GNB1L: variants seen among roughly 807,000 people sequenced by gnomAD.
GNB1L encodes the protein G protein subunit beta 1 like, also known as guanine nucleotide-binding protein subunit beta-like protein 1.
In GNB1L, 20 loss-of-function variants were observed where a neutral mutation model predicts 29.1. The ratio of observed to expected loss-of-function variants is 0.69; its 90% CI spans 0.48 to 1.00. GNB1L has a LOEUF of 1.00. GNB1L is among the 50% of genes least tolerant of loss of function. The probability of loss-of-function intolerance (pLI) is 0.00; values close to 1 mark genes in which losing one functional copy is unlikely to be tolerated. For synonymous variants in GNB1L, 193 were observed against 206.5 expected (o/e 0.93, Z 0.56); for missense variants, 421 against 464.9 (o/e 0.91, Z 0.87).
chr22:19,788,686 CT>C lies in GNB1L; in HGVS notation c.*22del. ...CCACCTCCCTGCCCGCCCTCCTCGT[CT>C]CCCGGGAAGGGAGTGGGTGAGTCAT... On this transcript the variant is annotated 3_prime_UTR_variant, in exon 8 of 8. Transcript: ENST00000329517. The C allele has an allele frequency of 1.2e-6, 2 of 1,612,112 alleles. No individual in the cohort carries two copies. The highest frequency in any genetic ancestry group is 1.3e-5 in the African/African-American group (1 of 75,068).
intron 4 of GNB1L, among the ~76,000 whole-genome samples, chr22:19,817,713 G>A (rs1469172138): frequency 6.6e-6 from 1 of 152,162 alleles, no homozygotes; most frequent in Non-Finnish European, 1.5e-5. Context: ...CCTGGGGCAT[G>A]AGGGGCTATC....
At position 19,816,075 on chromosome 22, in the gene GNB1L, C is replaced by G. The variant is rs554298999; in HGVS notation, c.255-3628G>C. ...TGAGCCCCGACAGCCCACAGCCATCCTGGGGCGTCGTGGCCTGTGTGGGGC... is the reference window on the plus strand; with the variant it reads ...TGAGCCCCGACAGCCCACAGCCATCGTGGGGCGTCGTGGCCTGTGTGGGGC... On this transcript the variant is annotated intron_variant, in intron 4 of 7. Coordinates refer to ENST00000329517, the MANE Select transcript of GNB1L (RefSeq NM_053004.3). The surrounding 1 kb of genome is among the most constrained non-coding windows in gnomAD (Gnocchi z 4.4). 1.4e-4 allele frequency among the ~76,000 whole-genome samples: 21 copies of G among 152,332 alleles called. No homozygotes were observed. In the East Asian group the frequency reaches 3.9e-3, roughly 28 times the overall value.
chr22:19,811,272 C>T (rs1937497011), intron 5 of GNB1L, among the ~76,000 whole-genome samples: 2 of 152,184 alleles, frequency 1.3e-5, no homozygotes. Context: ...CCCAACTGTG[C>T]GTGGGGGCCG....
intron 7 of GNB1L, among the ~76,000 whole-genome samples, chr22:19,789,956 A>G (rs1281619852): frequency 6.6e-6 from 1 of 152,222 alleles, no homozygotes; most frequent in East Asian, 1.9e-4. Context: ...CCGTCCTCAG[A>G]ATGCTCCACA....
intron 2 of GNB1L, among the ~76,000 whole-genome samples, chr22:19,825,372 C>A (rs978251696): frequency 6.6e-6 from 1 of 152,224 alleles, no homozygotes; most frequent in African/African-American, 2.4e-5. Flanking sequence ...ATAATCTCAG[C>A]ACTTTGGGAG....
chr22:19,847,735 A>C (rs1197756215), intron 2 of GNB1L: 1 of 980,518 alleles, frequency 1.0e-6, no homozygotes, highest in South Asian at 4.7e-5. Context: ...CAACAGTATG[A>C]GAAGGTCCAC....
chr22:19,851,149 T>A, intron 2 of GNB1L: 1 of 1,572,398 alleles, frequency 6.4e-7, no homozygotes, highest in Non-Finnish European at 8.6e-7. Context: ...GGCAGCATTG[T>A]TCCCACCTGG....
In GNB1L at chr22:19,829,778, A is replaced by C. The variant is rs73379969; in HGVS notation, c.-20-8403T>G. Reference sequence around the variant, plus strand: ...CACAGATGCTGAAAAAGCCTTTGACAATATTCAATGCCCATTTTTTATTAA... The same window carrying C: ...CACAGATGCTGAAAAAGCCTTTGACCATATTCAATGCCCATTTTTTATTAA... On this transcript the variant is annotated intron_variant, in intron 2 of 7. Transcript: ENST00000329517. 2.9e-3 allele frequency among the ~76,000 whole-genome samples: 440 copies of C among 152,324 alleles called. 1 individual carries two copies. The highest frequency in any genetic ancestry group is 0.01 in the African/African-American group (427 of 41,580).
intron 5 of GNB1L, among the ~76,000 whole-genome samples, chr22:19,810,179 G>T (rs1169155781): frequency 6.6e-6 from 1 of 152,136 alleles, no homozygotes. Context: ...AGGAGGAGCC[G>T]CCCTGAGCAC....
intron 2 of GNB1L, chr22:19,852,573 CCTCTGGTACCCAACTAGGAG>C (rs1172899889): frequency 3.0e-6 from 1 of 335,334 alleles, no homozygotes. Flanking sequence ...AGCGGGCAAC[CCTCTGGTACCCAACTAGGAG>C]CTTTGAATGG....
chr22:19,853,720 G>A (rs994722304), intron 2 of GNB1L, among the ~76,000 whole-genome samples: 3 of 143,560 alleles, frequency 2.1e-5, no homozygotes, highest in South Asian at 4.3e-4. Context: ...CCCCCCTCTG[G>A]GGGGGGGGTC....
At chr22:19,830,770 C>T (rs1320860883) in intron 2 of GNB1L, among the ~76,000 whole-genome samples, 1 of 152,146 alleles carries the variant, frequency 6.6e-6, no homozygotes, top group African/African-American at 2.4e-5. Flanking sequence ...AAGGAGCTAG[C>T]CCTATCAGAT....
chr22:19,840,146 A>G (rs1937834570), intron 2 of GNB1L, among the ~76,000 whole-genome samples: 1 of 152,054 alleles, frequency 6.6e-6, no homozygotes, highest in East Asian at 1.9e-4. Flanking sequence ...GTACTCACCT[A>G]TTTTCAGACT....
intron 7 of GNB1L, among the ~76,000 whole-genome samples, chr22:19,791,511 C>T (rs1347421121): frequency 1.3e-5 from 2 of 152,216 alleles, no homozygotes; most frequent in Admixed American, 6.5e-5. Context: ...CCAGGCAGAA[C>T]ATAGTGGTCA....
chr22:19,802,245 CTGGAAGGACCCTGACT>C, intron 6 of GNB1L, 29 bp from the exon 7 acceptor site: 1 of 1,579,214 alleles, frequency 6.3e-7, no homozygotes, highest in South Asian at 1.1e-5. Context: ...CAGTCAGCTC[CTGGAAGGACCCTGACT>C]CCAGTGAGTT....
At chr22:19,835,081 A>G (rs1937740371) in intron 2 of GNB1L, among the ~76,000 whole-genome samples, 1 of 152,234 alleles carries the variant, frequency 6.6e-6, no homozygotes, top group Non-Finnish European at 1.5e-5. Context: ...AGTTGTAAAT[A>G]CTGAGCTAAT....
chr22:19,813,255 A>G (rs1274178717), intron 4 of GNB1L, among the ~76,000 whole-genome samples: 1 of 152,142 alleles, frequency 6.6e-6, no homozygotes, highest in Admixed American at 6.5e-5. Flanking sequence ...CACCTAACCC[A>G]AGTCTTGGTT....
At chr22:19,807,390 A>G (rs1037619452) in intron 5 of GNB1L, among the ~76,000 whole-genome samples, 11 of 152,112 alleles carry the variant, frequency 7.2e-5, no homozygotes, top group African/African-American at 2.4e-4. Context: ...CAAGCAGCAG[A>G]CTGCCAGGTG....
At chr22:19,820,876 G>T (rs1166722463) in intron 3 of GNB1L, among the ~76,000 whole-genome samples, 153 bp from the exon 4 acceptor site, 1 of 152,224 alleles carries the variant, frequency 6.6e-6, no homozygotes, top group Non-Finnish European at 1.5e-5. Flanking sequence ...GGCCAAACTG[G>T]CAAAGCACTC....
Sources: allele counts gnomAD v4.1 joint callset (sites outside exome capture counted in the v4.1 genomes callset), GRCh38; gene constraint gnomAD v4.1.1; non-coding constraint Gnocchi (gnomAD v3.1); transcripts MANE v1.5; gene names NCBI Gene and HGNC (gene_info 2026-07-23, HGNC 2026-07-21).